The following PCDHA4 variants were observed in gnomAD, a reference collection of about 807,000 sequenced individuals.
The protein encoded by PCDHA4 is protocadherin alpha 4.
Under a neutral mutation model 61.4 loss-of-function variants are expected in PCDHA4, and 49 were observed. That is an observed-to-expected ratio of 0.80 (90% CI 0.63 to 1.01). The LOEUF (loss-of-function observed/expected upper bound fraction) is 1.01. Among genes scored for constraint, PCDHA4 ranks in the 50% least tolerant of loss-of-function variants. The probability of loss-of-function intolerance (pLI) is 0.00; values close to 1 mark genes in which losing one functional copy is unlikely to be tolerated. For synonymous variants in PCDHA4, 590 were observed against 550.3 expected (o/e 1.07, Z -1.01); for missense variants, 1,254 against 1,235.8 (o/e 1.01, Z -0.22).
In PCDHA4 at chr5:140,822,000, G is replaced by A. The variant is rs2150112853; in HGVS notation, c.2385+12428G>A. ...CCAAGGGCCGCGGGGACCTTCTGGA[G>A]GTAAATCTGCAGAATGGCATTTTGT... On this transcript the variant is annotated intron_variant, in intron 1 of 3. Coordinates refer to ENST00000530339, the MANE Select transcript of PCDHA4 (RefSeq NM_018907.4). 1.5e-5 allele frequency: 25 copies of A among 1,614,078 alleles called. No individual in the cohort carries two copies. In the Admixed American group the frequency reaches 3.8e-4, roughly 25 times the overall value.
At chr5:140,840,317 G>A (rs193301017) in intron 1 of PCDHA4, among the ~76,000 whole-genome samples, 6 of 151,994 alleles carry the variant, frequency 3.9e-5, no homozygotes, top group East Asian at 1.9e-4. Flanking sequence ...AACTTTGGTC[G>A]ACTCATTTTC....
At chr5:140,851,193 G>GT in intron 1 of PCDHA4, 4 of 1,214,324 alleles carry the variant, frequency 3.3e-6, no homozygotes, top group Non-Finnish European at 4.2e-6. Context: ...CAATTTAGTT[G>GT]TTAGTCATTC....
chr5:140,869,864 A>C (rs1554163548), intron 1 of PCDHA4: 1 of 1,610,504 alleles, frequency 6.2e-7, no homozygotes, highest in African/African-American at 1.3e-5. Context: ...CTTATGGAAA[A>C]TGCTGCTAAA....
At chr5:140,876,133 GAACT>G (rs782651538) in intron 1 of PCDHA4, 8 of 1,613,820 alleles carry the variant, frequency 5.0e-6, no homozygotes, top group East Asian at 2.2e-5. Flanking sequence ...CGGTAAACCA[GAACT>G]AACAGGGTCT....
chr5:140,838,830 G>T lies in PCDHA4; in HGVS notation c.2385+29258G>T, dbSNP rs2150292809. 1.2e-3 allele frequency among the ~76,000 whole-genome samples: 185 copies of T among 152,000 alleles called. 4 individuals carry two copies. Among genetic ancestry groups the T allele is most frequent in the African/African-American group, 4.4e-3 (182 of 41,426 alleles). ...TCAGCTACTCAAGAAACTGAGGTGG[G>T]AGGATCACTTAAGCCAGGGAGGTCC... On this transcript the variant is annotated intron_variant, in intron 1 of 3. Transcript: ENST00000530339.
In PCDHA4 at chr5:140,807,370, G is replaced by T; in HGVS notation, c.183G>T (p.Pro61=). 6.2e-7 allele frequency: 1 copy of T among 1,608,352 alleles called. No individual in the cohort carries two copies. Among genetic ancestry groups the T allele is most frequent in the African/African-American group, 1.4e-5 (1 of 73,704 alleles). ...GACTGGAGCTGGCGGAGCTGGTGCC[G>T]CGCCTGTTCCGGGTGGCGTCCAAGG... ...DLGLELAELV[P]RLFRVASKGR... Residue 61 remains proline (P), a synonymous_variant, in exon 1 of 4, where the codon CCG becomes CCT. Transcript: ENST00000530339.
At chr5:140,942,667 CA>C (rs2153659637) in intron 1 of PCDHA4, among the ~76,000 whole-genome samples, 1 of 151,384 alleles carries the variant, frequency 6.6e-6, no homozygotes, top group South Asian at 2.1e-4. Flanking sequence ...GCAATAAGCA[CA>C]AAAGTTTTAG....
chr5:140,884,818 T>C (rs1298208791), intron 1 of PCDHA4: 1 of 1,050,614 alleles, frequency 9.5e-7, no homozygotes, highest in Non-Finnish European at 1.3e-6. Context: ...CTGTGGACAT[T>C]ATGTGTTGGA....
intron 3 of PCDHA4, among the ~76,000 whole-genome samples, chr5:140,982,966 G>A (rs1407279371): frequency 6.6e-6 from 1 of 151,986 alleles, no homozygotes; most frequent in African/African-American, 2.4e-5. Flanking sequence ...CCCACCCAAA[G>A]TAGTAAGGAA....
intron 1 of PCDHA4, chr5:140,825,468 A>G (rs1470397063): frequency 1.3e-5 from 2 of 149,758 alleles, no homozygotes; most frequent in Non-Finnish European, 3.0e-5. Context: ...TTGATACAGA[A>G]TTTTGCTCTT....
chr5:140,857,394 A>G, intron 1 of PCDHA4: 1 of 1,598,398 alleles, frequency 6.3e-7, no homozygotes, highest in Non-Finnish European at 8.6e-7. Flanking sequence ...GACGTGAACG[A>G]CAACGCGCCT....
intron 1 of PCDHA4, chr5:140,848,965 C>G: frequency 6.2e-7 from 1 of 1,606,280 alleles, no homozygotes; most frequent in Non-Finnish European, 8.5e-7. Context: ...CTAGAGGGCG[C>G]GTCCGATGCA....
intron 1 of PCDHA4, chr5:140,852,273 G>A: frequency 4.0e-6 from 2 of 502,850 alleles, no homozygotes; most frequent in Non-Finnish European, 5.3e-6. Context: ...AATATTACAT[G>A]TTTTTTGTCT....
intron 1 of PCDHA4, chr5:140,870,971 T>TG (rs782370379): frequency 3.7e-6 from 6 of 1,613,594 alleles, no homozygotes; most frequent in Non-Finnish European, 5.1e-6. Context: ...CCGTTCCGCG[T>TG]GGGGCTGTAC....
chr5:140,863,109 G>A, intron 1 of PCDHA4: 1 of 584,624 alleles, frequency 1.7e-6, no homozygotes, highest in Non-Finnish European at 3.4e-6. Flanking sequence ...CCCTGGACGA[G>A]GCGAAAGCTA....
chr5:140,822,994 G>A lies in PCDHA4; in HGVS notation c.2385+13422G>A, dbSNP rs2150121119. ...CACCTTCAAGAATTACTACTCGTTG[G>A]TGCTGGACAGCGCCCTGGACCGCGA... On this transcript the variant is annotated intron_variant, in intron 1 of 3. Coordinates refer to ENST00000530339, the MANE Select transcript of PCDHA4 (RefSeq NM_018907.4). 66 of 1,614,244 alleles carry A rather than the reference G, an allele frequency of 4.1e-5. No homozygotes were observed. The highest frequency in any genetic ancestry group is 3.3e-4 in the Admixed American group (20 of 60,034).
intron 1 of PCDHA4, among the ~76,000 whole-genome samples, chr5:140,977,739 T>C (rs1198089748): frequency 1.3e-5 from 2 of 152,206 alleles, no homozygotes; most frequent in South Asian, 2.1e-4. Context: ...CTGGGTGTTA[T>C]GAAGAAATGT....
At chr5:140,822,269 C>T in intron 1 of PCDHA4, 2 of 1,614,196 alleles carry the variant, frequency 1.2e-6, no homozygotes, top group Non-Finnish European at 1.7e-6. Context: ...GGAGCAAATG[C>T]ACAATTGAGA....
At chr5:140,887,348 G>C (rs997332881) in intron 1 of PCDHA4, among the ~76,000 whole-genome samples, 1 of 151,978 alleles carries the variant, frequency 6.6e-6, no homozygotes, top group Non-Finnish European at 1.5e-5. Flanking sequence ...CACCTGGCTC[G>C]GCCTCCCAAA....
Sources: allele counts gnomAD v4.1 joint callset (sites outside exome capture counted in the v4.1 genomes callset), GRCh38; gene constraint gnomAD v4.1.1; transcripts MANE v1.5; gene names NCBI Gene and HGNC (gene_info 2026-07-23, HGNC 2026-07-21).